The following CDH4 variants were observed in gnomAD, a reference collection of about 807,000 sequenced individuals.
CDH4 encodes cadherin-4.
A neutral mutation model predicts 86.0 loss-of-function variants in CDH4; 33 were observed. The ratio of observed to expected loss-of-function variants is 0.38; its 90% CI spans 0.29 to 0.51. The LOEUF is 0.51. Ranked by LOEUF, CDH4 falls within the 20% of genes least tolerant of loss-of-function variation. The pLI is 0.86. For synonymous variants in CDH4, 555 were observed against 549.4 expected (o/e 1.01, Z -0.14); for missense variants, 1,114 against 1,307.4 (o/e 0.85, Z 2.28).
chr20:61,547,839 A>G (rs894457366), intron 2 of CDH4, among the ~76,000 whole-genome samples: 1 of 152,210 alleles, frequency 6.6e-6, no homozygotes, highest in Admixed American at 6.5e-5. Flanking sequence ...ATACACGCAC[A>G]TATGTGTAAA....
intron 9 of CDH4, 115 bp downstream of exon 9, chr20:61,910,722 C>A: frequency 1.0e-6 from 1 of 1,003,426 alleles, no homozygotes; most frequent in Non-Finnish European, 1.5e-6. Flanking sequence ...CCCTAATATC[C>A]AAGGGTAGAG....
At chr20:61,839,954 GGT>G (rs71195406) in intron 4 of CDH4, among the ~76,000 whole-genome samples, 1 of 151,146 alleles carries the variant, frequency 6.6e-6, no homozygotes, top group Non-Finnish European at 1.5e-5. Flanking sequence ...TTGTGTGCAT[GGT>G]GTGTGTGTGT....
intron 2 of CDH4, among the ~76,000 whole-genome samples, chr20:61,680,527 G>T (rs2145857242): frequency 6.6e-6 from 1 of 152,328 alleles, no homozygotes; most frequent in East Asian, 1.9e-4. Flanking sequence ...ATGGGCAGGG[G>T]CTCTAAAAAT....
In CDH4 at chr20:61,518,611, C is replaced by G. The variant is rs1250732956; in HGVS notation, c.170-224952C>G. ...CATCCATCCATCATCATCCACTCAT[C>G]CATCCATCCTTCATCCACCTAACCA... On this transcript the variant is annotated intron_variant, in intron 2 of 15. Coordinates refer to ENST00000614565, the MANE Select transcript of CDH4 (RefSeq NM_001794.5). This position sits in a 1 kb window ranked among gnomAD's most constrained non-coding sequence, Gnocchi z 6.3. Among the ~76,000 whole-genome samples, 3 of 151,986 alleles carry G rather than the reference C, an allele frequency of 2.0e-5. No homozygotes were observed. In the East Asian group the frequency reaches 5.8e-4, roughly 29 times the overall value.
At chr20:61,537,343 A>G (rs2086004707) in intron 2 of CDH4, among the ~76,000 whole-genome samples, 1 of 152,168 alleles carries the variant, frequency 6.6e-6, no homozygotes, top group Admixed American at 6.5e-5. Flanking sequence ...GTAGAGAAGC[A>G]TCACACAGCA....
At chr20:61,800,996 C>A (rs1979800615) in intron 4 of CDH4, among the ~76,000 whole-genome samples, 1 of 152,176 alleles carries the variant, frequency 6.6e-6, no homozygotes, top group Non-Finnish European at 1.5e-5. Flanking sequence ...TGGTTGGGGG[C>A]AGCTACGAGG....
At chr20:61,745,387 CAGATGGAAGCGG>C (rs991422406) in intron 3 of CDH4, among the ~76,000 whole-genome samples, 12 of 152,272 alleles carry the variant, frequency 7.9e-5, no homozygotes, top group East Asian at 3.9e-4. Flanking sequence ...ACTTGTTTCT[CAGATGGAAGCGG>C]AGATGGAAGC....
intron 2 of CDH4, among the ~76,000 whole-genome samples, chr20:61,328,860 T>A (rs1006871283): frequency 6.6e-6 from 1 of 152,196 alleles, no homozygotes; most frequent in Admixed American, 6.5e-5. Flanking sequence ...TCCTATTAGC[T>A]CTGAATGATG....
chr20:61,700,142 G>A (rs997786564), intron 2 of CDH4, among the ~76,000 whole-genome samples: 3 of 152,154 alleles, frequency 2.0e-5, no homozygotes, highest in Non-Finnish European at 2.9e-5. Flanking sequence ...GGTGGAATGC[G>A]CCATGTCCTG....
At chr20:61,424,889 T>C (rs1004490515) in intron 2 of CDH4, among the ~76,000 whole-genome samples, 30 of 111,964 alleles carry the variant, frequency 2.7e-4, no homozygotes, top group Non-Finnish European at 5.7e-4. Context: ...CCACATGCTC[T>C]TGAAGATGGG....
intron 2 of CDH4, among the ~76,000 whole-genome samples, chr20:61,421,030 G>A (rs1218568262): frequency 1.3e-5 from 2 of 152,262 alleles, no homozygotes; most frequent in Non-Finnish European, 2.9e-5. Flanking sequence ...GGTCTCAGAC[G>A]TGCTGTGGAA....
At chr20:61,262,044 G>GTC (rs1384530331) in intron 2 of CDH4, among the ~76,000 whole-genome samples, 1 of 152,206 alleles carries the variant, frequency 6.6e-6, no homozygotes, top group Admixed American at 6.5e-5. Flanking sequence ...GAAGAGTCCG[G>GTC]CTGGTCCTGG....
intron 2 of CDH4, among the ~76,000 whole-genome samples, chr20:61,385,380 G>A (rs1167436238): frequency 6.6e-6 from 1 of 151,830 alleles, no homozygotes; most frequent in Non-Finnish European, 1.5e-5. Flanking sequence ...TGAGATGAAC[G>A]CTCAGATCAG....
chr20:61,468,595 T>C (rs2145566321), intron 2 of CDH4, among the ~76,000 whole-genome samples: 1 of 152,330 alleles, frequency 6.6e-6, no homozygotes, highest in East Asian at 1.9e-4. Flanking sequence ...AATTAAATTA[T>C]TGTTGACTAC....
Position 61,737,557 on chromosome 20 carries a change from C to G in CDH4, c.170-6006C>G, listed in dbSNP as rs756119892. The stretch of plus-strand genomic sequence containing the variant: ...TGTCATCACCTGGCCACTGACCACC[C>G]TGGCCTCAGCCTGTGCGGTTCCCGG... On this transcript the variant is annotated intron_variant, in intron 2 of 15. Transcript: ENST00000614565. 2.4e-4 allele frequency among the ~76,000 whole-genome samples: 36 copies of G among 152,334 alleles called. 1 individual carries two copies. Among genetic ancestry groups the G allele is most frequent in the Non-Finnish European group, 5.9e-5 (4 of 68,030 alleles).
At chr20:61,850,486 G>A (rs1391214362) in intron 5 of CDH4, among the ~76,000 whole-genome samples, 1 of 152,214 alleles carries the variant, frequency 6.6e-6, no homozygotes, top group Non-Finnish European at 1.5e-5. Flanking sequence ...GGAAAAGAGA[G>A]CAGCCAAGAG....
intron 2 of CDH4, among the ~76,000 whole-genome samples, chr20:61,731,687 G>T (rs974201621): frequency 6.6e-6 from 1 of 152,230 alleles, no homozygotes; most frequent in South Asian, 2.1e-4. Context: ...GGCAGGCCCC[G>T]TGCAGACGCT....
chr20:61,839,719 A>G (rs1479809900), intron 4 of CDH4, among the ~76,000 whole-genome samples: 1 of 147,856 alleles, frequency 6.8e-6, no homozygotes, highest in East Asian at 2.0e-4. Flanking sequence ...GCGTTTGTGT[A>G]TTGAGTGTGT....
At chr20:61,624,166 G>A (rs192679022) in intron 2 of CDH4, among the ~76,000 whole-genome samples, 10 of 152,278 alleles carry the variant, frequency 6.6e-5, no homozygotes, top group East Asian at 1.9e-4. Context: ...CCAAGCATCC[G>A]GTCAGTGTTC....
Sources: gnomAD v4.1 joint callset for allele counts (sites outside exome capture counted in the v4.1 genomes callset) on GRCh38, gnomAD v4.1.1 for gene constraint, Gnocchi (gnomAD v3.1) non-coding constraint, MANE v1.5 for transcripts, NCBI Gene and HGNC (gene_info 2026-07-23, HGNC 2026-07-21) for gene names.